The following STMND1 variants were observed in gnomAD, a reference collection of about 807,000 sequenced individuals.
The protein encoded by STMND1 is stathmin domain-containing protein 1.
STMND1 carries 17 observed loss-of-function variants against 23.0 expected under a neutral mutation model. The observed-to-expected ratio is 0.74, with a 90% confidence interval of 0.51 to 1.11. The LOEUF (loss-of-function observed/expected upper bound fraction) is 1.11, where lower values mean the gene tolerates loss of function less well. STMND1 is among the 50% of genes least tolerant of loss of function. The pLI is 0.00. For synonymous variants in STMND1, 114 were observed against 119.9 expected, an observed-to-expected ratio of 0.95 and a Z score of 0.32; for missense variants, 305 against 329.1, an observed-to-expected ratio of 0.93 and a Z score of 0.57.
At position 17,130,644 on chromosome 6, in the gene STMND1, T is replaced by G. The variant is rs1239325457; in HGVS notation, c.594T>G (p.Pro198=). 1.3e-6 allele frequency: 2 copies of G among 1,535,714 alleles called. No homozygotes were observed. Among genetic ancestry groups the G allele is most frequent in the Non-Finnish European group, 1.7e-6 (2 of 1,146,788 alleles). ...GGCTACGGAGTGACCGACTTTTGCC[T>G]TCAGCCAATCACTCAGATTCAGCTG... ...RKRLRSDRLL[P]SANHSDSAEL... Residue 198 remains proline, a synonymous_variant, in exon 5 of 5, where the codon CCT becomes CCG. Transcript: ENST00000536551.
At chr6:17,119,288 C>T (rs1451473889) in intron 2 of STMND1, among the ~76,000 whole-genome samples, 1 of 152,128 alleles carries the variant, frequency 6.6e-6, no homozygotes, top group Admixed American at 6.5e-5. Context: ...ATCTCCTATA[C>T]TGGAGAGGTT....
intron 1 of STMND1, among the ~76,000 whole-genome samples, chr6:17,103,975 G>A (rs912889252): frequency 3.9e-5 from 6 of 152,048 alleles, no homozygotes; most frequent in Admixed American, 2.0e-4. Flanking sequence ...ATTTCTCTTC[G>A]TGTGCAAAAC....
At chr6:17,115,245 C>A in intron 2 of STMND1, 106 bp downstream of exon 2, 1 of 1,101,840 alleles carries the variant, frequency 9.1e-7, no homozygotes, top group Non-Finnish European at 1.3e-6. Context: ...CTTTCTGGGC[C>A]ATGAAGTACA....
intron 3 of STMND1, among the ~76,000 whole-genome samples, chr6:17,126,808 G>T (rs934147577): frequency 1.3e-5 from 2 of 152,188 alleles, no homozygotes; most frequent in Admixed American, 1.3e-4. Context: ...GAGCCAAAAT[G>T]TCAATAAATG....
At chr6:17,123,056 A>G (rs1243165993) in intron 3 of STMND1, among the ~76,000 whole-genome samples, 1 of 152,210 alleles carries the variant, frequency 6.6e-6, no homozygotes, top group Non-Finnish European at 1.5e-5. Flanking sequence ...TGCTATAGAC[A>G]CTTCGATGTC....
chr6:17,108,648 T>G (rs1249149316), intron 1 of STMND1, among the ~76,000 whole-genome samples: 2 of 152,082 alleles, frequency 1.3e-5, no homozygotes, highest in Non-Finnish European at 2.9e-5. Flanking sequence ...ACCTTTAGCA[T>G]GAACTGTGAG....
Position 17,113,989 on chromosome 6 carries a change from A to G in STMND1, c.82-973A>G, listed in dbSNP as rs549680094. Reference sequence around the variant, plus strand: ...TCACACAAATTTAGTGGCTTCAAACAGCAGTCACCAACCTTTTTGGCACCA... The same window carrying G: ...TCACACAAATTTAGTGGCTTCAAACGGCAGTCACCAACCTTTTTGGCACCA... On this transcript the variant is annotated intron_variant, in intron 1 of 4. Transcript: ENST00000536551. 7.2e-5 allele frequency among the ~76,000 whole-genome samples: 11 copies of G among 152,278 alleles called. No homozygotes were observed. In the East Asian group the frequency reaches 2.1e-3, roughly 29 times the overall value.
chr6:17,128,653 A>C (rs978800552), intron 3 of STMND1: 1 of 152,330 alleles, frequency 6.6e-6, no homozygotes, highest in African/African-American at 2.4e-5. Flanking sequence ...ATCAACTTTC[A>C]CGTTGGTTTT....
At chr6:17,120,843 T>C in intron 3 of STMND1, 85 bp downstream of exon 3, 2 of 1,143,548 alleles carry the variant, frequency 1.7e-6, no homozygotes, top group Non-Finnish European at 2.4e-6. Flanking sequence ...TTCCAGCATA[T>C]GCAAGTTACA....
chr6:17,115,166 T>C (rs1181590390), intron 2 of STMND1, 27 bp downstream of exon 2: 18 of 1,518,370 alleles, frequency 1.2e-5, no homozygotes, highest in African/African-American at 2.8e-5. Flanking sequence ...CCCATTCACG[T>C]AGATCTTCAC....
chr6:17,110,085 C>G (rs1761077471), intron 1 of STMND1, among the ~76,000 whole-genome samples: 1 of 152,208 alleles, frequency 6.6e-6, no homozygotes, highest in African/African-American at 2.4e-5. Flanking sequence ...GCTTTTCCAC[C>G]TGCCTAGAAT....
chr6:17,116,884 CA>C (rs1472594252), intron 2 of STMND1, among the ~76,000 whole-genome samples: 2 of 152,120 alleles, frequency 1.3e-5, no homozygotes, highest in Non-Finnish European at 2.9e-5. Context: ...TCAGATTCCC[CA>C]AATGTTAACC....
chr6:17,110,063 T>C (rs1221928785), intron 1 of STMND1, among the ~76,000 whole-genome samples: 2 of 152,252 alleles, frequency 1.3e-5, no homozygotes, highest in Non-Finnish European at 2.9e-5. Flanking sequence ...TCCATCTCCC[T>C]GTCTTGTGTA....
In STMND1 at chr6:17,115,053, T is replaced by G; in HGVS notation, c.173T>G (p.Leu58Arg). The change falls in exon 2 of 5, where the codon CTG becomes CGG. Residue 58 changes from leucine to arginine, a missense_variant. Coordinates refer to ENST00000536551, the MANE Select transcript of STMND1 (RefSeq NM_001190766.2). ...TKNTVDIAEG[L>R]EQVQMGSLPG... ...AATACTGTGGACATTGCAGAAGGCC[T>G]GGAACAAGTCCAGATGGGAAGCTTA... 1 of 1,536,046 alleles carries G rather than the reference T, an allele frequency of 6.5e-7. No individual in the cohort carries two copies. The highest frequency in any genetic ancestry group is 8.7e-7 in the Non-Finnish European group (1 of 1,146,852).
intron 2 of STMND1, among the ~76,000 whole-genome samples, chr6:17,117,597 CATTT>C (rs1215515139): frequency 6.7e-6 from 1 of 148,446 alleles, no homozygotes; most frequent in African/African-American, 2.5e-5. Context: ...AAGCAGAAAA[CATTT>C]ATTTTGCAGA....
rs1420384633 is a variant in STMND1, at chr6:17,130,788, T to G, written c.738T>G (p.Asp246Glu). The change falls in exon 5 of 5, where the codon GAT (aspartate) becomes GAG (glutamate). Residue 246 changes from aspartate to glutamate, a missense_variant. Coordinates refer to ENST00000536551, the MANE Select transcript of STMND1 (RefSeq NM_001190766.2). ...KPLKRKKSKC[D>E]ATLIDRNESD... ...TGAAGAGGAAGAAGAGTAAATGTGA[T>G]GCAACCTTGATTGATAGAAACGAAA... 2 of 1,536,060 alleles carry G rather than the reference T, an allele frequency of 1.3e-6. No individual in the cohort carries two copies. Among genetic ancestry groups the G allele is most frequent in the South Asian group, 1.2e-5 (1 of 84,062 alleles).
intron 1 of STMND1, among the ~76,000 whole-genome samples, chr6:17,113,358 C>A: frequency 6.6e-6 from 1 of 152,180 alleles, no homozygotes; most frequent in Non-Finnish European, 1.5e-5. Flanking sequence ...CGTTCACAGG[C>A]AAATCTCCTC....
intron 2 of STMND1, among the ~76,000 whole-genome samples, chr6:17,117,673 T>C (rs1016678340): frequency 3.0e-5 from 4 of 134,382 alleles, no homozygotes; most frequent in Non-Finnish European, 6.4e-5. Context: ...TACGCTTTTT[T>C]TTTTTTTTTT....
At chr6:17,120,547 AT>A (rs1761219356) in intron 2 of STMND1, 59 bp from the exon 3 acceptor site, 1 of 1,363,740 alleles carries the variant, frequency 7.3e-7, no homozygotes, top group Admixed American at 2.8e-5. Context: ...TTAGCATTTG[AT>A]TGAAAAAATC....
Sources: gnomAD v4.1 joint callset for allele counts (sites outside exome capture counted in the v4.1 genomes callset) on GRCh38, gnomAD v4.1.1 for gene constraint, MANE v1.5 for transcripts, NCBI Gene and HGNC (gene_info 2026-07-23, HGNC 2026-07-21) for gene names.